CYP7B1: variants seen among roughly 807,000 people sequenced by gnomAD.
The protein encoded by CYP7B1 is cytochrome P450 family 7 subfamily B member 1.
In CYP7B1, 29 loss-of-function variants were observed where a neutral mutation model predicts 42.7. The observed-to-expected ratio is 0.68, with a 90% CI of 0.51 to 0.93. The LOEUF (loss-of-function observed/expected upper bound fraction) is 0.93, where lower values mean the gene tolerates loss of function less well. CYP7B1 is among the 40% of genes least tolerant of loss of function. The pLI, the probability that CYP7B1 is intolerant of heterozygous loss-of-function variation, is 0.00. For synonymous variants in CYP7B1, 235 were observed against 218.2 expected (o/e 1.08, Z -0.68); for missense variants, 655 against 600.5 (o/e 1.09, Z -0.95).
At position 64,604,786 on chromosome 8, in the gene CYP7B1, T is replaced by C; in HGVS notation, c.1129A>G (p.Thr377Ala). Reference sequence around the variant, plus strand: ...TAGTCCCCGGTCTCTGAACTGAGAGTCAAATCCTCCTCAACAAAACGAATG... The same window carrying C: ...TAGTCCCCGGTCTCTGAACTGAGAGCCAAATCCTCCTCAACAAAACGAATG... ...TTIRFVEEDLTLSSETGDYCV... is the reference protein window; with the variant it reads ...TTIRFVEEDLALSSETGDYCV... The change falls in exon 5 of 6, where the codon ACT (threonine) becomes GCT (alanine). Residue 377 changes from threonine to alanine, a missense_variant. Physicochemically the swap from Thr to Ala is moderately conservative, Grantham distance 58. Coordinates refer to ENST00000310193, the MANE Select transcript of CYP7B1 (RefSeq NM_004820.5). 1.2e-6 allele frequency: 2 copies of C among 1,614,068 alleles called. No homozygotes were observed. Among genetic ancestry groups the C allele is most frequent in the Non-Finnish European group, 1.7e-6 (2 of 1,180,014 alleles).
chr8:64,758,303 C>T (rs968268577), intron 1 of CYP7B1, among the ~76,000 whole-genome samples: 12 of 152,154 alleles, frequency 7.9e-5, no homozygotes, highest in Non-Finnish European at 1.2e-4. Flanking sequence ...GACACAGCCT[C>T]AGAACCCTTC....
chr8:64,707,570 C>A (rs1807019073), intron 1 of CYP7B1, among the ~76,000 whole-genome samples: 1 of 152,084 alleles, frequency 6.6e-6, no homozygotes, highest in Non-Finnish European at 1.5e-5. Flanking sequence ...ATTCACCTGT[C>A]ATTTGAAATG....
At chr8:64,670,355 TAAG>T (rs1806347140) in intron 1 of CYP7B1, among the ~76,000 whole-genome samples, 1 of 152,198 alleles carries the variant, frequency 6.6e-6, no homozygotes, top group South Asian at 2.1e-4. Flanking sequence ...CTAGCTTCTT[TAAG>T]AAGGATAATT....
At chr8:64,646,373 T>A (rs1805954557) in intron 1 of CYP7B1, among the ~76,000 whole-genome samples, 1 of 151,928 alleles carries the variant, frequency 6.6e-6, no homozygotes, top group South Asian at 2.1e-4. Context: ...AACAACCCCA[T>A]CAAAAAGTGG....
At chr8:64,676,469 T>G (rs1170846259) in intron 1 of CYP7B1, among the ~76,000 whole-genome samples, 1 of 152,030 alleles carries the variant, frequency 6.6e-6, no homozygotes, top group Non-Finnish European at 1.5e-5. Flanking sequence ...GACCATCTAA[T>G]GCAAAACCTC....
chr8:64,778,724 A>G (rs1423443405), intron 1 of CYP7B1, among the ~76,000 whole-genome samples: 1 of 152,046 alleles, frequency 6.6e-6, no homozygotes. Context: ...AAATTTTACA[A>G]GTTTTCAGAA....
chr8:64,786,046 C>G (rs1283382162), intron 1 of CYP7B1, among the ~76,000 whole-genome samples: 1 of 152,096 alleles, frequency 6.6e-6, no homozygotes, highest in African/African-American at 2.4e-5. Flanking sequence ...AGGGAAATAA[C>G]CCCCATGATC....
intron 1 of CYP7B1, among the ~76,000 whole-genome samples, chr8:64,667,017 T>G (rs1455982522): frequency 6.6e-6 from 1 of 152,180 alleles, no homozygotes; most frequent in Non-Finnish European, 1.5e-5. Context: ...CTTGGAAATA[T>G]CAGGATATTA....
At chr8:64,738,233 T>TA (rs991149017) in intron 1 of CYP7B1, among the ~76,000 whole-genome samples, 12 of 152,090 alleles carry the variant, frequency 7.9e-5, no homozygotes, top group Non-Finnish European at 1.6e-4. Context: ...TCTCTAGAAA[T>TA]AAAAAAGATT....
chr8:64,673,190 C>T (rs1806393115), intron 1 of CYP7B1, among the ~76,000 whole-genome samples: 1 of 152,036 alleles, frequency 6.6e-6, no homozygotes, highest in Non-Finnish European at 1.5e-5. Context: ...TTTTCCCTCA[C>T]CTTGTTTTGA....
intron 1 of CYP7B1, among the ~76,000 whole-genome samples, chr8:64,706,251 A>G (rs1055135654): frequency 6.6e-6 from 1 of 152,056 alleles, no homozygotes; most frequent in Admixed American, 6.6e-5. Context: ...GGTGAAGGTG[A>G]AGTTAGAATA....
downstream of CYP7B1, among the ~76,000 whole-genome samples, chr8:64,590,131 A>T (rs1287826393): frequency 6.6e-6 from 1 of 152,234 alleles, no homozygotes; most frequent in Non-Finnish European, 1.5e-5. Context: ...ATTATTTCAC[A>T]GTTTATCTAT....
chr8:64,748,157 A>G (rs550704124), intron 1 of CYP7B1, among the ~76,000 whole-genome samples: 2 of 152,260 alleles, frequency 1.3e-5, no homozygotes, highest in Admixed American at 1.3e-4. Context: ...CAGTTCATCC[A>G]CTATTCAGTC....
intron 1 of CYP7B1, among the ~76,000 whole-genome samples, chr8:64,753,819 C>T (rs942236030): frequency 6.6e-6 from 1 of 152,184 alleles, no homozygotes; most frequent in African/African-American, 2.4e-5. Context: ...CTTTGGGTGA[C>T]AATCTTGACC....
chr8:64,728,751 G>A (rs1427047995), intron 1 of CYP7B1: 1 of 152,090 alleles, frequency 6.6e-6, no homozygotes, highest in Non-Finnish European at 1.5e-5. Context: ...GAAAAAATCA[G>A]GAAAACAACT....
At chr8:64,781,566 C>A (rs1180260975) in intron 1 of CYP7B1, among the ~76,000 whole-genome samples, 2 of 152,102 alleles carry the variant, frequency 1.3e-5, no homozygotes, top group African/African-American at 4.8e-5. Context: ...ATCCATCTTC[C>A]AAGCCAGCAA....
intron 1 of CYP7B1, among the ~76,000 whole-genome samples, chr8:64,630,053 G>T (rs1805666911): frequency 6.6e-6 from 1 of 152,146 alleles, no homozygotes; most frequent in African/African-American, 2.4e-5. Context: ...AAAGGTGGAG[G>T]GCTATACCCA....
intron 1 of CYP7B1, among the ~76,000 whole-genome samples, chr8:64,671,164 T>C (rs1806361865): frequency 6.6e-6 from 1 of 152,072 alleles, no homozygotes; most frequent in South Asian, 2.1e-4. Context: ...TATATTCAAT[T>C]TATGTAAATG....
chr8:64,696,936 G>A (rs1229564867), intron 1 of CYP7B1, among the ~76,000 whole-genome samples: 4 of 152,176 alleles, frequency 2.6e-5, no homozygotes, highest in African/African-American at 4.8e-5. Flanking sequence ...GTACATTTCT[G>A]GAATTTTGTG....
Sources: gnomAD v4.1 joint callset for allele counts (sites outside exome capture counted in the v4.1 genomes callset) on GRCh38, gnomAD v4.1.1 for gene constraint, MANE v1.5 for transcripts, NCBI Gene and HGNC (gene_info 2026-07-23, HGNC 2026-07-21) for gene names.